LRRC37A2: variants seen among roughly 807,000 people sequenced by gnomAD.
LRRC37A2 encodes the protein leucine rich repeat containing 37 member A2, also known as leucine-rich repeat-containing protein 37A2.
In LRRC37A2, 9 loss-of-function variants were observed where a neutral mutation model predicts 68.8. The observed-to-expected ratio is 0.13, with a 90% CI of 0.08 to 0.23. The LOEUF (loss-of-function observed/expected upper bound fraction) is 0.23. LRRC37A2 is among the 10% of genes least tolerant of loss of function. The probability of loss-of-function intolerance (pLI) is 1.00; values close to 1 mark genes in which losing one functional copy is unlikely to be tolerated. For synonymous variants in LRRC37A2, 63 were observed against 367.6 expected (o/e 0.17, Z 9.48); for missense variants, 168 against 950.4 (o/e 0.18, Z 10.82).
intron 11 of LRRC37A2, among the ~76,000 whole-genome samples, chr17:46,551,299 T>C (rs905555076): frequency 6.7e-6 from 1 of 150,064 alleles, no homozygotes; most frequent in African/African-American, 2.5e-5. Context: ...ACATGATGTA[T>C]TACTTTTCCC....
At chr17:46,923,105 C>T in the LRRC37A2 span, 3 of 937,996 alleles carry the variant, frequency 3.2e-6, no homozygotes, top group African/African-American at 1.6e-5. Context: ...GAGGGTCCTG[C>T]GACCGGAAGC....
the LRRC37A2 span, among the ~76,000 whole-genome samples, chr17:46,805,813 G>A: frequency 6.6e-6 from 1 of 152,254 alleles, no homozygotes; most frequent in Admixed American, 6.5e-5. Flanking sequence ...ACCTGGGCCT[G>A]GATTAAGGAA....
At chr17:46,889,658 G>A in the LRRC37A2 span, among the ~76,000 whole-genome samples, 12 of 152,098 alleles carry the variant, frequency 7.9e-5, no homozygotes, top group African/African-American at 2.9e-4. Context: ...CTGGATGGAG[G>A]GGGTCCACAT....
At chr17:46,875,581 G>T in the LRRC37A2 span, among the ~76,000 whole-genome samples, 2 of 152,242 alleles carry the variant, frequency 1.3e-5, no homozygotes, top group Non-Finnish European at 2.9e-5. Context: ...GCATGGAAGG[G>T]TCATGAGTGT....
the LRRC37A2 span, among the ~76,000 whole-genome samples, chr17:46,943,622 A>C: frequency 1.6e-4 from 24 of 152,256 alleles, no homozygotes; most frequent in African/African-American, 5.3e-4. Context: ...TAGTAGGCGC[A>C]GGCGCCATCG....
chr17:46,805,282 A>G, the LRRC37A2 span, among the ~76,000 whole-genome samples: 3 of 151,794 alleles, frequency 2.0e-5, no homozygotes, highest in East Asian at 3.9e-4. Flanking sequence ...TACAAAAAAA[A>G]AGAAAAAAGG....
At chr17:46,499,290 C>T in the LRRC37A2 span, among the ~76,000 whole-genome samples, 2 of 107,160 alleles carry the variant, frequency 1.9e-5, no homozygotes, top group Non-Finnish European at 3.2e-5. Flanking sequence ...CCAGCCTGGT[C>T]GACAGAGCAA....
chr17:46,814,067 C>T, the LRRC37A2 span, among the ~76,000 whole-genome samples: 4 of 152,304 alleles, frequency 2.6e-5, no homozygotes, highest in East Asian at 1.9e-4. Context: ...TTGACCTCAT[C>T]GCCAAAGGTC....
the LRRC37A2 span, among the ~76,000 whole-genome samples, chr17:46,789,451 G>T: frequency 3.3e-5 from 5 of 152,234 alleles, no homozygotes; most frequent in Non-Finnish European, 7.3e-5. Context: ...AGGAGTCCAG[G>T]AAACTGGATC....
At chr17:46,900,162 CATAT>C in the LRRC37A2 span, among the ~76,000 whole-genome samples, 52 of 101,144 alleles carry the variant, frequency 5.1e-4, no homozygotes, top group Non-Finnish European at 7.5e-4. Context: ...TATATATATA[CATAT>C]ACATATATAT....
Position 46,548,917 on chromosome 17 carries a change from A to G in LRRC37A2, c.3778A>G (p.Ser1260Gly), listed in dbSNP as rs562756647. The stretch of plus-strand genomic sequence containing the variant: ...CTCCAAGGGCGCGCCTTCTACCTCC[A>G]GCCCTGCAAAAGCCCTACCACAGGT... Residue 1260 changes from serine to glycine, a missense_variant, in exon 10 of 15, where the codon AGC becomes GGC. Ser to Gly is a moderately conservative substitution (Grantham distance 56). Transcript: ENST00000576629. The G allele has an allele frequency of 1.8e-5, 29 of 1,612,722 alleles. 2 individuals are homozygous for G. In the African/African-American group the frequency reaches 3.8e-4, roughly 21 times the overall value.
At chr17:46,951,586 T>C in the LRRC37A2 span, among the ~76,000 whole-genome samples, 2 of 152,150 alleles carry the variant, frequency 1.3e-5, no homozygotes, top group Non-Finnish European at 2.9e-5. Flanking sequence ...CCCAGGGACT[T>C]TCTTTTGCCC....
At chr17:46,876,831 TGTGTGCCAATGCACACGA>T in the LRRC37A2 span, 5 of 1,437,938 alleles carry the variant, frequency 3.5e-6, no homozygotes, top group African/African-American at 1.4e-5. Flanking sequence ...TAAACCGGCA[TGTGTGCCAATGCACACGA>T]GTGTGCCACT....
chr17:46,460,787 A>C, the LRRC37A2 span, among the ~76,000 whole-genome samples: 1 of 99,832 alleles, frequency 1.0e-5, no homozygotes, highest in African/African-American at 3.8e-5. Flanking sequence ...AAAGGAATTA[A>C]GAGAGAGTAA....
At chr17:46,878,768 G>A in the LRRC37A2 span, among the ~76,000 whole-genome samples, 1 of 152,222 alleles carries the variant, frequency 6.6e-6, no homozygotes, top group Non-Finnish European at 1.5e-5. Flanking sequence ...CATGCCACCT[G>A]CATTCTGACT....
the LRRC37A2 span, among the ~76,000 whole-genome samples, chr17:46,848,651 A>T: frequency 6.6e-6 from 1 of 152,234 alleles, no homozygotes; most frequent in Admixed American, 6.5e-5. Context: ...GATGCTCTGT[A>T]AGGATGTATA....
At chr17:46,752,602 T>A in the LRRC37A2 span, among the ~76,000 whole-genome samples, 22 of 152,128 alleles carry the variant, frequency 1.4e-4, no homozygotes, top group African/African-American at 5.1e-4. Flanking sequence ...ACTACCAGCG[T>A]GTGCTACCAC....
the LRRC37A2 span, among the ~76,000 whole-genome samples, chr17:46,828,125 G>A: frequency 5.3e-5 from 8 of 152,190 alleles, no homozygotes; most frequent in South Asian, 1.7e-3. Flanking sequence ...ACCGGGCCTG[G>A]CCAACAGAAA....
chr17:46,888,717 T>C, the LRRC37A2 span, among the ~76,000 whole-genome samples: 1 of 152,172 alleles, frequency 6.6e-6, no homozygotes, highest in African/African-American at 2.4e-5. Context: ...TTCCCCATGC[T>C]AGGAAGGGAC....
Sources: gnomAD v4.1 joint callset for allele counts (sites outside exome capture counted in the v4.1 genomes callset) on GRCh38, gnomAD v4.1.1 for gene constraint, MANE v1.5 for transcripts, NCBI Gene and HGNC (gene_info 2026-07-23, HGNC 2026-07-21) for gene names.